Variants in GRIK4 observed in about 807,000 individuals in gnomAD.
The protein encoded by GRIK4 is glutamate ionotropic receptor kainate type subunit 4, also known as glutamate receptor ionotropic, kainate 4.
Under a neutral mutation model 104.9 loss-of-function variants are expected in GRIK4, and 40 were observed. The ratio of observed to expected loss-of-function variants is 0.38; its 90% CI spans 0.30 to 0.50. GRIK4 has a LOEUF of 0.50. Ranked by LOEUF, GRIK4 falls within the 20% of genes least tolerant of loss-of-function variation. The probability of loss-of-function intolerance (pLI) is 0.93; values close to 1 mark genes in which losing one functional copy is unlikely to be tolerated. For missense variants in GRIK4, 1,047 were observed against 1,308.1 expected, an observed-to-expected ratio of 0.80 and a Z score of 3.08; for synonymous variants, 485 against 524.9, an observed-to-expected ratio of 0.92 and a Z score of 1.04.
At chr11:120,635,486 C>G (rs1009221959) in intron 1 of GRIK4, among the ~76,000 whole-genome samples, 1 of 152,216 alleles carries the variant, frequency 6.6e-6, no homozygotes, top group African/African-American at 2.4e-5. Context: ...GCTCCTGCTC[C>G]GGATGCCTGG....
At position 120,513,888 on chromosome 11, in the gene GRIK4, A is replaced by G. The variant is rs1174225183; in HGVS notation, c.-159+2001A>G. 6.6e-6 allele frequency among the ~76,000 whole-genome samples: 1 copy of G among 152,112 alleles called. No individual in the cohort carries two copies. Among genetic ancestry groups the G allele is most frequent in the African/African-American group, 2.4e-5 (1 of 41,414 alleles). The stretch of plus-strand genomic sequence containing the variant: ...GGCTGCTGTCTTCCCCAGCAATGAA[A>G]ATTCTTCCGAGAGCCTGGGTCGGCT... On this transcript the variant is annotated intron_variant, in intron 1 of 20. Coordinates refer to ENST00000527524, the MANE Select transcript of GRIK4 (RefSeq NM_014619.5). The surrounding 1 kb of genome is among the most constrained non-coding windows in gnomAD (Gnocchi z 4.5).
rs11218064 is a variant in GRIK4, at chr11:120,935,380, G to A, written c.1477-4967G>A. Reference sequence around the variant, plus strand: ...AGCCTGGCCAACATGGTGAAACCCCGTCTCTACTAAAAATACAAAATTAGC... The same window carrying A: ...AGCCTGGCCAACATGGTGAAACCCCATCTCTACTAAAAATACAAAATTAGC... On this transcript the variant is annotated intron_variant, in intron 13 of 20. Coordinates refer to ENST00000527524, the MANE Select transcript of GRIK4 (RefSeq NM_014619.5). 5.3e-5 allele frequency among the ~76,000 whole-genome samples: 8 copies of A among 150,428 alleles called. No homozygotes were observed. In the East Asian group the frequency reaches 9.7e-4, roughly 18 times the overall value.
At position 120,653,029 on chromosome 11, in the gene GRIK4, T is replaced by C. The variant is rs561893413; in HGVS notation, c.-158-656T>C. ...ACATAATAGCAGGTGTGGCAGGTGA[T>C]ACATGCCCCAAAGAGATGTTCCCCT... On this transcript the variant is annotated intron_variant, in intron 1 of 20. Coordinates refer to ENST00000527524, the MANE Select transcript of GRIK4 (RefSeq NM_014619.5). Among the ~76,000 whole-genome samples the C allele has an allele frequency of 1.4e-3, 144 of 101,462 alleles. 3 individuals are homozygous for C. In the South Asian group the frequency reaches 0.049, roughly 34 times the overall value. The allele number at this position is 101,462 out of a possible 152,430, so 66.6% of individuals were successfully genotyped here. A position where few individuals can be genotyped will look rare whatever the true frequency, so the allele number is the denominator to read the frequency against.
rs562124583 is a variant in GRIK4 at position 120,792,253 on chromosome 11, C to CGT, written c.83-10427_83-10426dup. ...GCAGCACCGTGTGTGTGTGTGTGTG[C>CGT]GTGTGTGTGTGTGTAAGGGGTGCTA... On this transcript the variant is annotated intron_variant, in intron 3 of 20. Transcript: ENST00000527524. Among the ~76,000 whole-genome samples, 242 of 148,994 alleles carry CGT rather than the reference C, an allele frequency of 1.6e-3. 1 individual carries two copies. The highest frequency in any genetic ancestry group is 5.4e-3 in the African/African-American group (221 of 40,568).
intron 9 of GRIK4, 71 bp downstream of exon 9, chr11:120,862,191 T>G (rs1954283362): frequency 6.9e-6 from 9 of 1,313,774 alleles, no homozygotes; most frequent in Non-Finnish European, 9.6e-6. Flanking sequence ...GGCCAACCCC[T>G]GGGCAACACA....
chr11:120,744,818 G>A lies in GRIK4; in HGVS notation c.83-57875G>A, dbSNP rs75482829. On this transcript the variant is annotated intron_variant, in intron 3 of 20. Coordinates refer to ENST00000527524, the MANE Select transcript of GRIK4 (RefSeq NM_014619.5). The stretch of plus-strand genomic sequence containing the variant: ...TTTGGAAGTGCAAGGGGAAAAAATC[G>A]CTTTGCAGTAATAACTGTTATTTAT... Among the ~76,000 whole-genome samples, 471 of 152,252 alleles carry A rather than the reference G, an allele frequency of 3.1e-3. 2 individuals are homozygous for A. The highest frequency in any genetic ancestry group is 0.024 in the Middle Eastern group (7 of 294).
At chr11:120,866,756 G>A (rs993003110) in intron 9 of GRIK4, among the ~76,000 whole-genome samples, 30 of 152,290 alleles carry the variant, frequency 2.0e-4, no homozygotes, top group African/African-American at 6.5e-4. Flanking sequence ...CAGATTCTGC[G>A]TCTACTTTAG....
At chr11:120,846,737 G>A (rs535532648) in intron 8 of GRIK4, among the ~76,000 whole-genome samples, 8 of 152,202 alleles carry the variant, frequency 5.3e-5, no homozygotes, top group Non-Finnish European at 1.2e-4. Context: ...TTTCTTCTCT[G>A]GAGACAAGCT....
chr11:120,719,352 C>T (rs1287236717), intron 3 of GRIK4, among the ~76,000 whole-genome samples: 1 of 152,148 alleles, frequency 6.6e-6, no homozygotes, highest in African/African-American at 2.4e-5. Flanking sequence ...GAGGGGTTAA[C>T]CAGGTGGCTT....
At chr11:120,575,425 A>G (rs1214646005) in intron 1 of GRIK4, among the ~76,000 whole-genome samples, 1 of 152,002 alleles carries the variant, frequency 6.6e-6, no homozygotes, top group Non-Finnish European at 1.5e-5. Flanking sequence ...CCTCTGGCGC[A>G]CGGGTCCTCT....
chr11:120,875,201 C>T lies in GRIK4; in HGVS notation c.1122C>T (p.Tyr374=), dbSNP rs113969837. The T allele has an allele frequency of 2.5e-4, 399 of 1,613,576 alleles. No homozygotes were observed. In the African/African-American group the frequency reaches 4.3e-3, roughly 18 times the overall value. ...ACAGCAAAGGCCAGAGGTCCAACTA[C>T]GCTTTGAAAATCTTACAGTTCACAA... ...EFNSKGQRSN[Y]ALKILQFTRN... The change falls in exon 11 of 21, where the codon TAC becomes TAT. Residue 374 remains tyrosine (Y), a synonymous_variant. Transcript: ENST00000527524.
At chr11:120,620,094 A>T in intron 1 of GRIK4, 1 of 733,670 alleles carries the variant, frequency 1.4e-6, no homozygotes, top group East Asian at 2.5e-5. Flanking sequence ...AACTGGCCTC[A>T]TTGGTTTCGT....
intron 6 of GRIK4, among the ~76,000 whole-genome samples, chr11:120,827,208 C>T (rs920781099): frequency 6.6e-6 from 1 of 152,186 alleles, no homozygotes; most frequent in Non-Finnish European, 1.5e-5. Flanking sequence ...GCAGACTCAT[C>T]GCTTAGGTCT....
intron 11 of GRIK4, among the ~76,000 whole-genome samples, chr11:120,892,547 GTGCCAGGTACTAATGGGGGTCTCCTGA>G (rs1216584827): frequency 2.0e-5 from 3 of 152,126 alleles, no homozygotes; most frequent in African/African-American, 7.2e-5. Context: ...TGTGGTCATA[GTGCCAGGTACTAATGGGGGTCTCCTGA>G]TGCCAGGTGA....
chr11:120,907,068 T>A (rs1942884076), intron 13 of GRIK4, among the ~76,000 whole-genome samples: 1 of 152,244 alleles, frequency 6.6e-6, no homozygotes, highest in Non-Finnish European at 1.5e-5. Context: ...AGCCTGATGA[T>A]GTACGTGCTT....
intron 3 of GRIK4, among the ~76,000 whole-genome samples, chr11:120,737,985 C>G (rs1457207362): frequency 1.3e-5 from 2 of 151,992 alleles, no homozygotes; most frequent in Non-Finnish European, 2.9e-5. Flanking sequence ...GAATTTAAAG[C>G]CTTGGGAATG....
Position 120,680,556 on chromosome 11 carries a change from G to A in GRIK4, c.82+20156G>A, listed in dbSNP as rs539067572. Among the ~76,000 whole-genome samples, 263 of 152,316 alleles carry A rather than the reference G, an allele frequency of 1.7e-3. 9 individuals are homozygous for A. The South Asian group carries it at 0.051, about 30-fold the overall frequency. ...CATTACCTCTGACTCCCTCGGCCTT[G>A]CTCCATAGTAGGTGTTCAGTAAACA... On this transcript the variant is annotated intron_variant, in intron 3 of 20. Transcript: ENST00000527524.
At position 120,883,422 on chromosome 11, in the gene GRIK4, C is replaced by T. The variant is rs540444352; in HGVS notation, c.1164+8179C>T. Among the ~76,000 whole-genome samples the T allele has an allele frequency of 4.5e-4, 68 of 152,320 alleles. 1 individual carries two copies. The highest frequency in any genetic ancestry group is 3.4e-3 in the Middle Eastern group (1 of 294). ...ACTGATATCTTTCCCCTTTCCATTC[C>T]TTTCCATCCTCCAAGAACAGTGCTC... On this transcript the variant is annotated intron_variant, in intron 11 of 20. Transcript: ENST00000527524.
intron 3 of GRIK4, among the ~76,000 whole-genome samples, chr11:120,693,821 C>T (rs898794161): frequency 2.0e-5 from 3 of 152,090 alleles, no homozygotes; most frequent in Non-Finnish European, 2.9e-5. Flanking sequence ...GTGGCTGAGC[C>T]GGGAGGGGCT....
Sources: allele counts gnomAD v4.1 joint callset (sites outside exome capture counted in the v4.1 genomes callset), GRCh38; gene constraint gnomAD v4.1.1; non-coding constraint Gnocchi (gnomAD v3.1); transcripts MANE v1.5; gene names NCBI Gene and HGNC (gene_info 2026-07-23, HGNC 2026-07-21).